DPYSL3: variants seen among roughly 807,000 people sequenced by gnomAD.
DPYSL3 encodes the protein dihydropyrimidinase-related protein 3.
DPYSL3 carries 16 observed loss-of-function variants against 66.1 expected under a neutral mutation model. The ratio of observed to expected loss-of-function variants is 0.24; its 90% CI spans 0.16 to 0.37. DPYSL3 has a LOEUF of 0.37. Ranked by LOEUF, DPYSL3 falls within the 10% of genes least tolerant of loss-of-function variation. The probability of loss-of-function intolerance (pLI) is 1.00; values close to 1 mark genes in which losing one functional copy is unlikely to be tolerated. For missense variants in DPYSL3, 738 were observed against 916.2 expected, an observed-to-expected ratio of 0.81 and a Z score of 2.51; for synonymous variants, 338 against 345.1, an observed-to-expected ratio of 0.98 and a Z score of 0.23.
At chr5:147,402,787 T>C (rs1758231195) in intron 8 of DPYSL3, among the ~76,000 whole-genome samples, 1 of 151,974 alleles carries the variant, frequency 6.6e-6, no homozygotes, top group Non-Finnish European at 1.5e-5. Context: ...ACCCAAACCA[T>C]GGAGAGGGGA....
At chr5:147,449,909 T>G (rs981641407) in intron 1 of DPYSL3, among the ~76,000 whole-genome samples, 4 of 152,184 alleles carry the variant, frequency 2.6e-5, no homozygotes, top group Non-Finnish European at 4.4e-5. Flanking sequence ...AAACGTGTTC[T>G]TATATGTACT....
intron 7 of DPYSL3, 88 bp downstream of exon 7, chr5:147,408,640 A>G (rs899334373): frequency 2.1e-6 from 3 of 1,420,000 alleles, no homozygotes; most frequent in African/African-American, 2.8e-5. Context: ...AAATGTTCCA[A>G]TACTGCAACC....
chr5:147,494,413 T>A (rs948686474), intron 1 of DPYSL3, among the ~76,000 whole-genome samples: 2 of 151,742 alleles, frequency 1.3e-5, no homozygotes, highest in Non-Finnish European at 1.5e-5. Flanking sequence ...TATCGATCAG[T>A]ACAGAAAATC....
chr5:147,492,965 G>A (rs1328339332), intron 1 of DPYSL3, among the ~76,000 whole-genome samples: 1 of 152,046 alleles, frequency 6.6e-6, no homozygotes, highest in Non-Finnish European at 1.5e-5. Flanking sequence ...AAGTACAAAG[G>A]CACAGAGATA....
intron 10 of DPYSL3, among the ~76,000 whole-genome samples, chr5:147,400,403 A>C (rs1369564138): frequency 6.6e-6 from 1 of 152,262 alleles, no homozygotes; most frequent in African/African-American, 2.4e-5. Flanking sequence ...ACTCACTATT[A>C]TTTTAAGTAC....
intron 1 of DPYSL3, among the ~76,000 whole-genome samples, chr5:147,456,832 CT>C (rs1752860887): frequency 1.3e-5 from 2 of 152,012 alleles, no homozygotes; most frequent in Non-Finnish European, 2.9e-5. Flanking sequence ...CTCATGTGAT[CT>C]GCTTGCCTCA....
intron 1 of DPYSL3, among the ~76,000 whole-genome samples, chr5:147,471,785 G>T (rs932662075): frequency 6.6e-6 from 1 of 152,084 alleles, no homozygotes; most frequent in African/African-American, 2.4e-5. Flanking sequence ...TCAACTTTAG[G>T]ATAGAAACTC....
At chr5:147,453,095 C>G (rs996613281) in intron 1 of DPYSL3, among the ~76,000 whole-genome samples, 6 of 152,092 alleles carry the variant, frequency 3.9e-5, no homozygotes, top group African/African-American at 1.4e-4. Context: ...GGGGCTGGAG[C>G]TGGGAGAGGG....
chr5:147,470,089 TA>T (rs1753064421), intron 1 of DPYSL3, among the ~76,000 whole-genome samples: 1 of 152,152 alleles, frequency 6.6e-6, no homozygotes, highest in Admixed American at 6.5e-5. Flanking sequence ...GCCTGACCCT[TA>T]TCCCAACTCA....
In DPYSL3 at chr5:147,412,669, C is replaced by G. The variant is rs377270433; in HGVS notation, c.902G>C (p.Cys301Ser). The change falls in exon 6 of 14, where the codon TGC becomes TCC. Residue 301 changes from cysteine to serine, a missense_variant. By Grantham distance (112) the Cys-to-Ser change is moderately radical. Transcript: ENST00000343218. ...AGCAATGGCCCCCAGCTCTCCCAGG[C>G]AGGTGAAGATCTCATAGAGCTGAAA... Reference protein sequence around the residue: ...SNTELYEIFTCLGELGAIAQV... With the variant: ...SNTELYEIFTSLGELGAIAQV... The G allele has an allele frequency of 6.2e-7, 1 of 1,612,108 alleles. No individual in the cohort carries two copies. Among genetic ancestry groups the G allele is most frequent in the Non-Finnish European group, 8.5e-7 (1 of 1,179,152 alleles).
At chr5:147,450,436 G>A (rs1020322759) in intron 1 of DPYSL3, among the ~76,000 whole-genome samples, 5 of 152,014 alleles carry the variant, frequency 3.3e-5, no homozygotes, top group Non-Finnish European at 5.9e-5. Flanking sequence ...GTGATCTGTC[G>A]AACCCCCAAA....
intron 1 of DPYSL3, among the ~76,000 whole-genome samples, chr5:147,430,465 G>A (rs1422290582): frequency 1.3e-4 from 19 of 145,136 alleles, no homozygotes; most frequent in South Asian, 6.5e-4. Flanking sequence ...AGCCAAGATC[G>A]CACCATTGCA....
At chr5:147,487,167 G>A (rs1042695019) in intron 1 of DPYSL3, among the ~76,000 whole-genome samples, 8 of 151,790 alleles carry the variant, frequency 5.3e-5, no homozygotes, top group Admixed American at 1.3e-4. Flanking sequence ...CTAATCACTC[G>A]GATTTCCTGT....
At chr5:147,402,524 T>C (rs995037812) in intron 8 of DPYSL3, among the ~76,000 whole-genome samples, 2 of 148,024 alleles carry the variant, frequency 1.4e-5, no homozygotes, top group Admixed American at 6.6e-5. Context: ...ATTTTTTGTA[T>C]TTTTAGTAGA....
At position 147,509,917 on chromosome 5, in the gene DPYSL3, G is replaced by T; in HGVS notation, c.-59C>A. 6.9e-7 allele frequency: 1 copy of T among 1,456,506 alleles called. No homozygotes were observed. Among genetic ancestry groups the T allele is most frequent in the Non-Finnish European group, 9.0e-7 (1 of 1,107,378 alleles). 90.2% of individuals were successfully genotyped at this position (1,456,506 alleles called of 1,614,324 possible). On this transcript the variant is annotated 5_prime_UTR_variant, in exon 1 of 14. Coordinates refer to ENST00000343218, the MANE Select transcript of DPYSL3 (RefSeq NM_001197294.2). This position sits in a 1 kb window ranked among gnomAD's most constrained non-coding sequence, Gnocchi z 5.3. ...TTCCCCAGAGGCGGAAAGGGCAGCCGCCGGCAGCGTGCGCCGAGCCACAGT... is the reference window on the plus strand; with the variant it reads ...TTCCCCAGAGGCGGAAAGGGCAGCCTCCGGCAGCGTGCGCCGAGCCACAGT...
In DPYSL3 at chr5:147,509,490, G is replaced by A. The variant is rs1753726910; in HGVS notation, c.369C>T (p.Gly123=). ...ATGKEVLQNL[G]PKDKSDRLLI... ...GGGGCCCCCTTACCTTGTCCTTGGG[G>A]CCGAGGTTCTGCAACACCTCTTTGC... The change falls in exon 1 of 14, where the codon GGC becomes GGT. Residue 123 remains glycine (G), a synonymous_variant. Transcript: ENST00000343218. The surrounding 1 kb of genome is among the most constrained non-coding windows in gnomAD (Gnocchi z 5.3). The A allele has an allele frequency of 6.6e-7, 1 of 1,525,068 alleles. No individual in the cohort carries two copies. The highest frequency in any genetic ancestry group is 1.2e-5 in the South Asian group (1 of 81,966). The allele number at this position is 1,525,068 out of a possible 1,614,324, so 94.5% of individuals were successfully genotyped here. A position where few individuals can be genotyped will look rare whatever the true frequency, so the allele number is the denominator to read the frequency against.
chr5:147,504,494 CTT>C (rs1387702043), intron 1 of DPYSL3, among the ~76,000 whole-genome samples: 1 of 152,184 alleles, frequency 6.6e-6, no homozygotes, highest in Non-Finnish European at 1.5e-5. Flanking sequence ...TCAGAGAAGA[CTT>C]ATAAAATTCA....
At chr5:147,439,772 G>A (rs1752497017) in intron 1 of DPYSL3, among the ~76,000 whole-genome samples, 1 of 152,128 alleles carries the variant, frequency 6.6e-6, no homozygotes, top group East Asian at 1.9e-4. Flanking sequence ...TACTCTAAAG[G>A]TAGAACCAAC....
chr5:147,450,060 G>C (rs1752697943), intron 1 of DPYSL3, among the ~76,000 whole-genome samples: 1 of 152,194 alleles, frequency 6.6e-6, no homozygotes, highest in Non-Finnish European at 1.5e-5. Flanking sequence ...GGCAGAGGCG[G>C]AGACACCAAA....
Sources: gnomAD v4.1 joint callset for allele counts (sites outside exome capture counted in the v4.1 genomes callset) on GRCh38, gnomAD v4.1.1 for gene constraint, Gnocchi (gnomAD v3.1) non-coding constraint, MANE v1.5 for transcripts, NCBI Gene and HGNC (gene_info 2026-07-23, HGNC 2026-07-21) for gene names.